CDH3: variants seen among roughly 807,000 people sequenced by gnomAD.
CDH3 encodes the protein cadherin 3.
CDH3 carries 54 observed loss-of-function variants against 82.0 expected under a neutral mutation model. The ratio of observed to expected loss-of-function variants is 0.66; its 90% confidence interval spans 0.53 to 0.83. The LOEUF (loss-of-function observed/expected upper bound fraction) is 0.83, where lower values mean the gene tolerates loss of function less well. Ranked by LOEUF, CDH3 falls within the 40% of genes least tolerant of loss-of-function variation. CDH3 has a pLI of 0.00. For missense variants in CDH3, 1,054 were observed against 1,084.6 expected, an observed-to-expected ratio of 0.97 and a Z score of 0.40; for synonymous variants, 446 against 437.9, an observed-to-expected ratio of 1.02 and a Z score of -0.23.
chr16:68,671,027 T>A (rs1960870757), intron 2 of CDH3, among the ~76,000 whole-genome samples: 2 of 152,030 alleles, frequency 1.3e-5, no homozygotes, highest in Admixed American at 6.5e-5. Flanking sequence ...AAGCTGAGAT[T>A]ACACCACTGC....
intron 1 of CDH3, among the ~76,000 whole-genome samples, chr16:68,715,637 A>T (rs1285923777): frequency 1.3e-5 from 2 of 152,174 alleles, no homozygotes; most frequent in Non-Finnish European, 2.9e-5. Context: ...TTCTTGGTGC[A>T]CAGCATTTTA....
At chr16:68,675,099 T>G (rs1024991990) in intron 2 of CDH3, among the ~76,000 whole-genome samples, 1 of 150,842 alleles carries the variant, frequency 6.6e-6, no homozygotes, top group Non-Finnish European at 1.5e-5. Flanking sequence ...GGTGACAGAG[T>G]GAGACTCTGT....
chr16:68,698,214 C>A lies in CDH3; in HGVS notation c.2304C>A (p.Asp768Glu), dbSNP rs769376121. ...IIENLKAANT[D>E]PTAPPYDTLL... is the part of the protein sequence containing the mutation. ...AGAACCTGAAGGCGGCTAACACAGA[C>A]CCCACAGCCCCGCCCTACGACACCC... The change falls in exon 16 of 16, where the codon GAC becomes GAA. Residue 768 changes from aspartate to glutamate, a missense_variant. By Grantham distance (45) the Asp-to-Glu change is conservative. Coordinates refer to ENST00000264012, the MANE Select transcript of CDH3 (RefSeq NM_001793.6). 7 of 1,614,212 alleles carry A rather than the reference C, an allele frequency of 4.3e-6. No homozygotes were observed. The highest frequency in any genetic ancestry group is 5.9e-6 in the Non-Finnish European group (7 of 1,180,038).
chr16:68,696,222 C>T (rs1225858271), intron 15 of CDH3: 1 of 397,764 alleles, frequency 2.5e-6, no homozygotes, highest in Non-Finnish European at 4.8e-6. Flanking sequence ...AGTTCAAGAC[C>T]AGCCTGGCCA....
chr16:68,725,565 C>T (rs1275370682), intron 2 of CDH3, among the ~76,000 whole-genome samples: 2 of 151,930 alleles, frequency 1.3e-5, no homozygotes, highest in Non-Finnish European at 2.9e-5. Flanking sequence ...GATCTCCTGA[C>T]CTCCTGATCC....
At chr16:68,651,577 G>T in intron 2 of CDH3, 1 of 497,044 alleles carries the variant, frequency 2.0e-6, no homozygotes, top group African/African-American at 2.0e-5. Context: ...TTCCCCGCCA[G>T]GGCAAGAAGA....
intron 1 of CDH3, among the ~76,000 whole-genome samples, chr16:68,711,683 ATCT>A (rs1357283649): frequency 2.0e-4 from 30 of 152,186 alleles, no homozygotes; most frequent in Admixed American, 3.3e-4. Context: ...CCTTTATTTC[ATCT>A]TCTTTGCCTC....
At chr16:68,718,084 A>C (rs1357655902) in intron 1 of CDH3, among the ~76,000 whole-genome samples, 2 of 151,948 alleles carry the variant, frequency 1.3e-5, no homozygotes, top group Admixed American at 1.3e-4. Flanking sequence ...ATCATGGCTC[A>C]CTGCAATCTC....
chr16:68,671,344 G>A (rs1960878907), intron 2 of CDH3, among the ~76,000 whole-genome samples: 1 of 151,446 alleles, frequency 6.6e-6, no homozygotes, highest in Non-Finnish European at 1.5e-5. Flanking sequence ...AGGTACTGGG[G>A]TGGCTTAAAT....
At chr16:68,731,030 AAAAAAAAAAAAAAAAAAATATATAT>A (rs1962276559), downstream of CDH3, among the ~76,000 whole-genome samples, 1 of 29,156 alleles carries the variant, frequency 3.4e-5, no homozygotes, top group South Asian at 1.3e-3. Context: ...CAAAAAAAAA[AAAAAAAAAAAAAAAAAAATATATAT>A]ATATATATAT....
rs749324933 is a variant in CDH3, at chr16:68,698,177, C to T, written c.2281-14C>T. 3.1e-6 allele frequency: 5 copies of T among 1,614,000 alleles called. No individual in the cohort carries two copies. The highest frequency in any genetic ancestry group is 1.1e-5 in the South Asian group (1 of 91,082). ...GACCCGCCGCTCCTAACTACCTGTT[C>T]TCTGTTGCCGCAGAACCTGAAGGCG... On this transcript the variant is annotated splice_polypyrimidine_tract_variant and intron_variant, in intron 15 of 15. Coordinates refer to ENST00000264012, the MANE Select transcript of CDH3 (RefSeq NM_001793.6).
At chr16:68,715,653 G>T (rs1037380670) in intron 1 of CDH3, among the ~76,000 whole-genome samples, 2 of 152,142 alleles carry the variant, frequency 1.3e-5, no homozygotes, top group African/African-American at 4.8e-5. Context: ...TTTTAATAAA[G>T]ACATGTTGTT....
chr16:68,666,147 A>C (rs1385060296), intron 2 of CDH3, among the ~76,000 whole-genome samples: 2 of 151,762 alleles, frequency 1.3e-5, no homozygotes, highest in Non-Finnish European at 2.9e-5. Context: ...TTGCCTCCCC[A>C]GTATCCCAGC....
intron 2 of CDH3, among the ~76,000 whole-genome samples, chr16:68,666,517 C>T (rs915278465): frequency 1.3e-5 from 2 of 152,060 alleles, no homozygotes; most frequent in Admixed American, 6.5e-5. Context: ...GCAGCCTCTT[C>T]CCCCCACCCC....
downstream of CDH3, among the ~76,000 whole-genome samples, chr16:68,731,061 TATATATATATATATATAATTATAAAA>T (rs1272856273): frequency 2.0e-5 from 2 of 101,528 alleles, no homozygotes; most frequent in Non-Finnish European, 4.0e-5. Flanking sequence ...TATATATATA[TATATATATATATATATAATTATAAAA>T]ATATATATAA....
rs1302936561 is a variant in CDH3, at chr16:68,707,285, CG to C, written c.99+11368del. Among the ~76,000 whole-genome samples, 1 of 152,230 alleles carries C rather than the reference CG, an allele frequency of 6.6e-6. No individual in the cohort carries two copies. Among genetic ancestry groups the C allele is most frequent in the South Asian group, 2.1e-4 (1 of 4,820 alleles). The stretch of plus-strand genomic sequence containing the variant: ...GAGATGAGGTTGGACAGGTAAGGAG[CG>C]GGGGGCCAAGGCGCCCAGTCCTGGG... On this transcript the variant is annotated intron_variant, in intron 1 of 2. Coordinates refer to the CDH3 transcript ENST00000569080. This position sits in a 1 kb window ranked among gnomAD's most constrained non-coding sequence, Gnocchi z 4.5.
downstream of CDH3, among the ~76,000 whole-genome samples, chr16:68,731,395 A>AAAAATATATATATATAT (rs1555509187): frequency 1.9e-4 from 1 of 5,242 alleles, no homozygotes; most frequent in African/African-American, 9.6e-4. Context: ...AAAAAAAAAA[A>AAAAATATATATATATAT]ATATATATAT....
At chr16:68,686,505 C>A in intron 11 of CDH3, 2 of 1,141,850 alleles carry the variant, frequency 1.8e-6, no homozygotes, top group Non-Finnish European at 2.7e-6. Context: ...AAAAGTATTG[C>A]AGCAACAGTA....
intron 2 of CDH3, among the ~76,000 whole-genome samples, chr16:68,667,447 C>G (rs1480365063): frequency 6.6e-6 from 1 of 152,138 alleles, no homozygotes; most frequent in Non-Finnish European, 1.5e-5. Flanking sequence ...AGAGTGATCA[C>G]TTGATGGACA....
Sources: gnomAD v4.1 joint callset for allele counts (sites outside exome capture counted in the v4.1 genomes callset) on GRCh38, gnomAD v4.1.1 for gene constraint, Gnocchi (gnomAD v3.1) non-coding constraint, MANE v1.5 for transcripts, NCBI Gene and HGNC (gene_info 2026-07-23, HGNC 2026-07-21) for gene names.